The following BTBD8 variants were observed in gnomAD, a reference collection of about 807,000 sequenced individuals.
The protein encoded by BTBD8 is BTB/POZ domain-containing protein 8.
A neutral mutation model predicts 162.9 loss-of-function variants in BTBD8; 110 were observed. The observed-to-expected ratio is 0.68, with a 90% CI of 0.58 to 0.79. The LOEUF (loss-of-function observed/expected upper bound fraction) is 0.79, where lower values mean the gene tolerates loss of function less well. Among genes scored for constraint, BTBD8 ranks in the 30% least tolerant of loss-of-function variants. The pLI, the probability that BTBD8 is intolerant of heterozygous loss-of-function variation, is 0.00. For synonymous variants in BTBD8, 667 were observed against 716.1 expected, an observed-to-expected ratio of 0.93 and a Z score of 1.10; for missense variants, 1,905 against 2,085.4, an observed-to-expected ratio of 0.91 and a Z score of 1.68.
At chr1:92,145,801 G>A (rs1321581580) in intron 7 of BTBD8, among the ~76,000 whole-genome samples, 1 of 152,066 alleles carries the variant, frequency 6.6e-6, no homozygotes, top group Non-Finnish European at 1.5e-5. Flanking sequence ...CCAACATGGT[G>A]AAACCCCATC....
chr1:92,157,374 G>A (rs1330479100), intron 9 of BTBD8, among the ~76,000 whole-genome samples: 1 of 152,162 alleles, frequency 6.6e-6, no homozygotes, highest in Non-Finnish European at 1.5e-5. Flanking sequence ...TAAGAAGAAT[G>A]TATATTCTGC....
chr1:92,167,428 A>G (rs1650412076), intron 10 of BTBD8, among the ~76,000 whole-genome samples: 1 of 152,238 alleles, frequency 6.6e-6, no homozygotes, highest in Non-Finnish European at 1.5e-5. Context: ...AACCAAAGTC[A>G]TAAAGGTACT....
chr1:92,141,063 G>A, intron 6 of BTBD8, 52 bp from the exon 7 acceptor site: 31 of 1,459,780 alleles, frequency 2.1e-5, no homozygotes, highest in Middle Eastern at 3.7e-4. Context: ...AGTATGTGTT[G>A]TGCCTTGATT....
At chr1:92,161,823 A>C (rs1316236729) in intron 9 of BTBD8, among the ~76,000 whole-genome samples, 1 of 152,178 alleles carries the variant, frequency 6.6e-6, no homozygotes. Context: ...GAATAAAAAG[A>C]TGTTTTTTGT....
intron 4 of BTBD8, among the ~76,000 whole-genome samples, chr1:92,122,648 T>C (rs957178925): frequency 6.6e-6 from 1 of 152,058 alleles, no homozygotes. Flanking sequence ...ACTACAAGCC[T>C]GCGCCCCTCA....
At chr1:92,172,153 A>G (rs942413082) in intron 13 of BTBD8, among the ~76,000 whole-genome samples, 2 of 152,202 alleles carry the variant, frequency 1.3e-5, no homozygotes, top group Non-Finnish European at 2.9e-5. Context: ...AAAAGCAATT[A>G]GTACTAAGAG....
intron 11 of BTBD8, among the ~76,000 whole-genome samples, 198 bp from the exon 12 acceptor site, chr1:92,168,668 G>A (rs1471016483): frequency 1.3e-5 from 2 of 152,126 alleles, no homozygotes; most frequent in African/African-American, 4.8e-5. Context: ...GAAAAGATGA[G>A]ATTTTTTAGC....
Position 92,171,041 on chromosome 1 carries a change from CTG to C in BTBD8, c.1574-356_1574-355del, listed in dbSNP as rs989089138. On this transcript the variant is annotated intron_variant, in intron 12 of 17. Coordinates refer to ENST00000636805, the MANE Select transcript of BTBD8 (RefSeq NM_001376131.1). ...TGTAGAATGTTACATTTGCTATAAT[CTG>C]TAATTTTTTGTAATTTGGAGAACTA... Among the ~76,000 whole-genome samples, 30 of 151,760 alleles carry C rather than the reference CTG, an allele frequency of 2.0e-4. 2 individuals are homozygous for C. The highest frequency in any genetic ancestry group is 1.5e-5 in the Non-Finnish European group (1 of 67,908).
intron 1 of BTBD8, among the ~76,000 whole-genome samples, chr1:92,082,764 T>C (rs945369991): frequency 6.6e-6 from 1 of 152,074 alleles, no homozygotes; most frequent in African/African-American, 2.4e-5. Context: ...AGCTCCAATG[T>C]AGAACTGGAA....
intron 9 of BTBD8, among the ~76,000 whole-genome samples, chr1:92,160,637 G>C (rs1042258230): frequency 1.3e-5 from 2 of 151,942 alleles, no homozygotes; most frequent in African/African-American, 4.8e-5. Context: ...TTAGCCCCCA[G>C]AAAAGTTAGG....
Position 92,184,216 on chromosome 1 carries a change from T to A in BTBD8, c.5265T>A (p.Ser1755Arg). The change falls in exon 18 of 18, where the codon AGT (serine) becomes AGA (arginine). Residue 1755 changes from serine to arginine, a missense_variant. By Grantham distance (110) the Ser-to-Arg change is moderately radical. Coordinates refer to ENST00000636805, the MANE Select transcript of BTBD8 (RefSeq NM_001376131.1). ...ITHIDTLNRW[S>R]ELTSPLDSSA... The stretch of plus-strand genomic sequence containing the variant: ...ATATTGACACTTTGAACAGATGGAG[T>A]GAACTAACATCTCCACTTGATTCCT... 6.4e-7 allele frequency: 1 copy of A among 1,551,378 alleles called. No homozygotes were observed. Among genetic ancestry groups the A allele is most frequent in the Non-Finnish European group, 8.7e-7 (1 of 1,146,684 alleles).
At chr1:92,081,541 C>T (rs188768900) in intron 1 of BTBD8, among the ~76,000 whole-genome samples, 62 of 152,230 alleles carry the variant, frequency 4.1e-4, no homozygotes, top group Admixed American at 7.8e-4. Context: ...CTGAGGTAAA[C>T]ATAATTACTA....
chr1:92,094,498 A>G (rs1226408494), intron 2 of BTBD8, among the ~76,000 whole-genome samples: 2 of 152,240 alleles, frequency 1.3e-5, no homozygotes, highest in Non-Finnish European at 2.9e-5. Flanking sequence ...TTCAGTTCAC[A>G]TCCTTTCTTT....
At chr1:92,171,539 A>G (rs1244065348) in intron 13 of BTBD8, 79 bp downstream of exon 13, 1 of 960,452 alleles carries the variant, frequency 1.0e-6, no homozygotes, top group African/African-American at 1.7e-5. Context: ...ATTTCAGAAA[A>G]AGTTTTAAAA....
At position 92,184,449 on chromosome 1, in the gene BTBD8, T is replaced by C; in HGVS notation, c.*119T>C. 1 of 628,456 alleles carries C rather than the reference T, an allele frequency of 1.6e-6. No homozygotes were observed. The highest frequency in any genetic ancestry group is 3.1e-5 in the Admixed American group (1 of 32,096). The allele number at this position is 628,456 out of a possible 1,614,324, so 38.9% of individuals were successfully genotyped here. ...TCTTTAATATTGAGTCTTTCCAATT[T>C]AATGAGGTAAACATAGTTTATTTAT... On this transcript the variant is annotated 3_prime_UTR_variant, in exon 18 of 18. Coordinates refer to ENST00000636805, the MANE Select transcript of BTBD8 (RefSeq NM_001376131.1).
chr1:92,152,766 G>C (rs519623), intron 9 of BTBD8, among the ~76,000 whole-genome samples: 113,737 of 151,980 alleles, frequency 0.75, 43,958 homozygotes, highest in East Asian at 0.97. Context: ...TTTTATAGCT[G>C]TAATTAGGTC....
chr1:92,114,621 A>G (rs2101913548), intron 4 of BTBD8, among the ~76,000 whole-genome samples: 1 of 152,208 alleles, frequency 6.6e-6, no homozygotes, highest in South Asian at 2.1e-4. Context: ...AGTACATTAA[A>G]TATTCATTTG....
intron 1 of BTBD8, among the ~76,000 whole-genome samples, chr1:92,081,894 G>T (rs1648028750): frequency 6.6e-6 from 1 of 152,058 alleles, no homozygotes; most frequent in African/African-American, 2.4e-5. Flanking sequence ...ATTTTGAAGT[G>T]CTTTCTGTCA....
In BTBD8 at chr1:92,184,036, A is replaced by G; in HGVS notation, c.5085A>G (p.Lys1695=). 3.2e-6 allele frequency: 5 copies of G among 1,551,642 alleles called. No individual in the cohort carries two copies. The highest frequency in any genetic ancestry group is 4.4e-6 in the Non-Finnish European group (5 of 1,146,892). Reference sequence around the variant, plus strand: ...TTGAAGATGACCAACATTTTGCAAAACAAGATTGGACACTACTAAAGCAAC... The same window carrying G: ...TTGAAGATGACCAACATTTTGCAAAGCAAGATTGGACACTACTAAAGCAAC... The part of the protein sequence containing the change: ...MDFEDDQHFA[K]QDWTLLKQLL... Residue 1695 remains lysine, a synonymous_variant, in exon 18 of 18, where the codon AAA becomes AAG. Coordinates refer to ENST00000636805, the MANE Select transcript of BTBD8 (RefSeq NM_001376131.1).
Sources: gnomAD v4.1 joint callset for allele counts (sites outside exome capture counted in the v4.1 genomes callset) on GRCh38, gnomAD v4.1.1 for gene constraint, MANE v1.5 for transcripts, NCBI Gene and HGNC (gene_info 2026-07-23, HGNC 2026-07-21) for gene names.